The following EXT1 variants were observed in gnomAD, a reference collection of about 807,000 sequenced individuals.
The protein encoded by EXT1 is exostosin-1.
Under a neutral mutation model 82.5 loss-of-function variants are expected in EXT1, and 20 were observed. The ratio of observed to expected loss-of-function variants is 0.24; its 90% CI spans 0.17 to 0.35. EXT1 has a LOEUF of 0.35. Ranked by LOEUF, EXT1 falls within the 10% of genes least tolerant of loss-of-function variation. The pLI is 1.00. For synonymous variants in EXT1, 348 were observed against 350.8 expected (o/e 0.99, Z 0.09); for missense variants, 757 against 936.5 (o/e 0.81, Z 2.50).
intron 1 of EXT1, among the ~76,000 whole-genome samples, chr8:118,063,807 G>A (rs1586371748): frequency 6.6e-6 from 1 of 152,174 alleles, no homozygotes; most frequent in East Asian, 1.9e-4. Flanking sequence ...ATTATTTCAT[G>A]GAGACAAACA....
At chr8:117,859,266 C>T (rs1812639332) in intron 1 of EXT1, among the ~76,000 whole-genome samples, 1 of 152,152 alleles carries the variant, frequency 6.6e-6, no homozygotes, top group Non-Finnish European at 1.5e-5. Context: ...TGTTCAAAAA[C>T]AGAGGCACAA....
intron 1 of EXT1, among the ~76,000 whole-genome samples, chr8:118,107,626 G>A (rs17506426): frequency 0.032 from 4,869 of 152,194 alleles, 240 homozygotes; most frequent in African/African-American, 0.1. Context: ...TTGCTCTTAC[G>A]CCAGAGCACG....
At chr8:118,075,609 C>T (rs962048300) in intron 1 of EXT1, among the ~76,000 whole-genome samples, 8 of 152,000 alleles carry the variant, frequency 5.3e-5, no homozygotes, top group African/African-American at 9.7e-5. Context: ...GCCATTCTTG[C>T]GTTGCTATGA....
chr8:117,866,888 A>C (rs1292566785), intron 1 of EXT1, among the ~76,000 whole-genome samples: 1 of 152,064 alleles, frequency 6.6e-6, no homozygotes, highest in East Asian at 1.9e-4. Flanking sequence ...AACTCTAAAA[A>C]CATTGGTGAC....
At chr8:118,019,402 A>C (rs1816061563) in intron 1 of EXT1, among the ~76,000 whole-genome samples, 1 of 151,412 alleles carries the variant, frequency 6.6e-6, no homozygotes. Context: ...TTGTGGACAG[A>C]GAGAAAGACA....
At chr8:117,946,744 G>A (rs1432654091) in intron 1 of EXT1, among the ~76,000 whole-genome samples, 2 of 152,226 alleles carry the variant, frequency 1.3e-5, no homozygotes, top group Non-Finnish European at 2.9e-5. Flanking sequence ...AACTTCTCCT[G>A]TTCCCACGTG....
intron 1 of EXT1, among the ~76,000 whole-genome samples, chr8:118,027,486 C>T (rs1027782753): frequency 1.3e-5 from 2 of 152,218 alleles, no homozygotes; most frequent in African/African-American, 4.8e-5. Flanking sequence ...CAGACTCTAG[C>T]TCAAGTCTTT....
At chr8:118,007,782 G>C (rs1341386595) in intron 1 of EXT1, among the ~76,000 whole-genome samples, 1 of 152,122 alleles carries the variant, frequency 6.6e-6, no homozygotes, top group African/African-American at 2.4e-5. Context: ...AGCTGGAAGA[G>C]AGAAAGAAAA....
chr8:117,856,271 G>GT (rs1045603762), intron 1 of EXT1, among the ~76,000 whole-genome samples: 78 of 150,226 alleles, frequency 5.2e-4, no homozygotes, highest in African/African-American at 1.8e-3. Flanking sequence ...TTTTTTTGTG[G>GT]GGGGACGGAG....
intron 1 of EXT1, among the ~76,000 whole-genome samples, chr8:117,993,237 A>T (rs188480895): frequency 3.9e-4 from 59 of 151,620 alleles, no homozygotes; most frequent in Admixed American, 5.9e-4. Context: ...ATCAAGTTTT[A>T]AAAAAAAAGG....
chr8:118,098,372 GGCAGGGCCAGCCC>G (rs1217212741), intron 1 of EXT1, among the ~76,000 whole-genome samples: 1 of 152,110 alleles, frequency 6.6e-6, no homozygotes, highest in Non-Finnish European at 1.5e-5. Context: ...GCCTTAGGCA[GGCAGGGCCAGCCC>G]TAGCCCTAGG....
intron 1 of EXT1, among the ~76,000 whole-genome samples, chr8:117,976,647 G>A (rs1815071302): frequency 6.6e-6 from 1 of 152,132 alleles, no homozygotes. Flanking sequence ...TGAACCTGGT[G>A]GTAATTACAT....
intron 1 of EXT1, among the ~76,000 whole-genome samples, chr8:117,878,479 AC>A (rs1353434294): frequency 6.6e-6 from 1 of 152,232 alleles, no homozygotes; most frequent in Non-Finnish European, 1.5e-5. Context: ...CTTGAGATAC[AC>A]CATCAAGAAC....
intron 1 of EXT1, among the ~76,000 whole-genome samples, chr8:117,930,141 G>C (rs2447538): frequency 0.68 from 103,753 of 151,752 alleles, 35,674 homozygotes; most frequent in Middle Eastern, 0.81. Flanking sequence ...AAGAGGAAGA[G>C]TTTGCCAAAT....
intron 1 of EXT1, among the ~76,000 whole-genome samples, chr8:117,976,808 G>A (rs1237629734): frequency 1.3e-5 from 2 of 152,172 alleles, no homozygotes; most frequent in Non-Finnish European, 2.9e-5. Flanking sequence ...AGAGGGGCTT[G>A]GAGGTGAAGA....
intron 1 of EXT1, among the ~76,000 whole-genome samples, chr8:118,009,298 T>C (rs1184706709): frequency 6.6e-6 from 1 of 152,216 alleles, no homozygotes; most frequent in Non-Finnish European, 1.5e-5. Context: ...GCAGCCAAAC[T>C]ACATTTCCCA....
chr8:118,095,548 A>T (rs1165392695), intron 1 of EXT1, among the ~76,000 whole-genome samples: 1 of 152,188 alleles, frequency 6.6e-6, no homozygotes, highest in Non-Finnish European at 1.5e-5. Context: ...AATTTTAAAG[A>T]CACATGTAGC....
At chr8:117,821,726 G>C (rs147285725) in intron 5 of EXT1, among the ~76,000 whole-genome samples, 12 of 152,324 alleles carry the variant, frequency 7.9e-5, no homozygotes, top group Non-Finnish European at 1.3e-4. Flanking sequence ...TATCAGCTTG[G>C]AAGATGCTTT....
At chr8:118,097,886 T>G (rs1415732910) in intron 1 of EXT1, among the ~76,000 whole-genome samples, 1 of 152,150 alleles carries the variant, frequency 6.6e-6, no homozygotes, top group East Asian at 1.9e-4. Flanking sequence ...GTGTTAAATG[T>G]TCTATATGAG....
Sources: gnomAD v4.1 joint callset for allele counts (sites outside exome capture counted in the v4.1 genomes callset) on GRCh38, gnomAD v4.1.1 for gene constraint, MANE v1.5 for transcripts, NCBI Gene and HGNC (gene_info 2026-07-23, HGNC 2026-07-21) for gene names.